CACNB4: variants seen among roughly 807,000 people sequenced by gnomAD.
The protein encoded by CACNB4 is voltage-dependent L-type calcium channel subunit beta-4.
CACNB4 carries 32 observed loss-of-function variants against 71.2 expected under a neutral mutation model. The ratio of observed to expected loss-of-function variants is 0.45; its 90% CI spans 0.34 to 0.60. CACNB4 has a LOEUF of 0.60. CACNB4 is among the 20% of genes least tolerant of loss of function. CACNB4 has a pLI of 0.01. For missense variants in CACNB4, 464 were observed against 647.9 expected (o/e 0.72, Z 3.08); for synonymous variants, 231 against 236.9 (o/e 0.97, Z 0.23).
intron 2 of CACNB4, among the ~76,000 whole-genome samples, chr2:151,897,940 G>A (rs1197678291): frequency 6.6e-6 from 1 of 152,158 alleles, no homozygotes; most frequent in Non-Finnish European, 1.5e-5. Context: ...TTTGGGTGAG[G>A]CCAATTTGCT....
At chr2:151,839,965 TAC>T (rs1185784644) in intron 13 of CACNB4, among the ~76,000 whole-genome samples, 1 of 152,248 alleles carries the variant, frequency 6.6e-6, no homozygotes, top group Non-Finnish European at 1.5e-5. Flanking sequence ...AGCTAATTGA[TAC>T]ATTTATAAAT....
At chr2:151,907,540 G>A (rs545693480) in intron 2 of CACNB4, among the ~76,000 whole-genome samples, 1 of 152,212 alleles carries the variant, frequency 6.6e-6, no homozygotes, top group South Asian at 2.1e-4. Flanking sequence ...ACACTGGCAC[G>A]TTATTATTAA....
At chr2:152,069,790 A>T (rs375072641) in intron 2 of CACNB4, among the ~76,000 whole-genome samples, 3 of 148,032 alleles carry the variant, frequency 2.0e-5, no homozygotes. Context: ...GACAGAAAAT[A>T]TTCTCCTTTA....
intron 2 of CACNB4, among the ~76,000 whole-genome samples, chr2:151,994,008 C>CA (rs201173472): frequency 6.6e-6 from 1 of 151,624 alleles, no homozygotes; most frequent in African/African-American, 2.4e-5. Flanking sequence ...CCTATCTCTA[C>CA]AAAAAATTTA....
chr2:151,988,165 AT>A (rs900706326), intron 2 of CACNB4, among the ~76,000 whole-genome samples: 21 of 151,590 alleles, frequency 1.4e-4, no homozygotes, highest in South Asian at 4.2e-4. Context: ...CTGCTACTGT[AT>A]TTTTTTTTCT....
chr2:152,066,254 T>C (rs982695008), intron 2 of CACNB4, among the ~76,000 whole-genome samples: 1 of 152,076 alleles, frequency 6.6e-6, no homozygotes, highest in Non-Finnish European at 1.5e-5. Flanking sequence ...AAATGCCAAC[T>C]AAGGCTTAGG....
chr2:151,977,858 G>C (rs2151745101), intron 2 of CACNB4, among the ~76,000 whole-genome samples: 1 of 152,364 alleles, frequency 6.6e-6, no homozygotes, highest in Middle Eastern at 3.4e-3. Flanking sequence ...CCACGGGCTA[G>C]AACACAAGCC....
intron 2 of CACNB4, among the ~76,000 whole-genome samples, chr2:152,023,310 C>A (rs960764438): frequency 6.6e-6 from 1 of 151,972 alleles, no homozygotes; most frequent in Admixed American, 6.6e-5. Flanking sequence ...GATTACAATT[C>A]GAGATGAGAT....
chr2:151,898,839 T>C (rs1171765703), intron 2 of CACNB4, among the ~76,000 whole-genome samples: 2 of 152,242 alleles, frequency 1.3e-5, no homozygotes, highest in Admixed American at 6.5e-5. Flanking sequence ...AGACCTATAC[T>C]GTCTATGGCT....
At chr2:151,841,157 C>T (rs920929543) in intron 13 of CACNB4, among the ~76,000 whole-genome samples, 5 of 152,164 alleles carry the variant, frequency 3.3e-5, no homozygotes, top group African/African-American at 1.2e-4. Flanking sequence ...TTGTCTTGTG[C>T]AAGGTAGAGA....
At chr2:152,034,441 A>G (rs1684451246) in intron 2 of CACNB4, among the ~76,000 whole-genome samples, 1 of 152,172 alleles carries the variant, frequency 6.6e-6, no homozygotes, top group Non-Finnish European at 1.5e-5. Context: ...CAGCAGGGGA[A>G]CTGAGAGCAA....
chr2:152,086,602 A>G (rs1687673338), intron 2 of CACNB4, among the ~76,000 whole-genome samples: 1 of 152,266 alleles, frequency 6.6e-6, no homozygotes, highest in Non-Finnish European at 1.5e-5. Flanking sequence ...ACCAAAGCAG[A>G]GTTACTATGA....
In CACNB4 at chr2:151,835,580, C is replaced by A. The variant is rs996106205; in HGVS notation, c.*3539G>T. 2 of 151,834 alleles carry A rather than the reference C, an allele frequency of 1.3e-5. No individual in the cohort carries two copies. The highest frequency in any genetic ancestry group is 3.0e-5 in the Non-Finnish European group (2 of 67,794). The allele number at this position is 151,834 out of a possible 1,614,324, so 9.4% of individuals were successfully genotyped here. A position where few individuals can be genotyped will look rare whatever the true frequency, so the allele number is the denominator to read the frequency against. On this transcript the variant is annotated 3_prime_UTR_variant, in exon 14 of 14. Transcript: ENST00000539935. ...AACTAAGAAAATATATACTAACATG[C>A]AAATTAAGGTTGCCAAGACACATTC...
At chr2:151,876,090 C>A (rs112432806) in intron 5 of CACNB4, among the ~76,000 whole-genome samples, 247 of 152,160 alleles carry the variant, frequency 1.6e-3, no homozygotes, top group African/African-American at 5.6e-3. Flanking sequence ...TCTCTGTAAG[C>A]GAACCAAGAG....
intron 2 of CACNB4, among the ~76,000 whole-genome samples, chr2:151,999,136 C>T (rs1682244971): frequency 6.6e-6 from 1 of 152,132 alleles, no homozygotes; most frequent in South Asian, 2.1e-4. Context: ...ATTATCCAGA[C>T]AATCAATCAC....
intron 5 of CACNB4, among the ~76,000 whole-genome samples, chr2:151,875,406 C>T (rs1289722078): frequency 1.3e-5 from 2 of 151,424 alleles, no homozygotes; most frequent in Non-Finnish European, 2.9e-5. Context: ...TCTACACAGA[C>T]ACAGCAACCA....
chr2:151,834,911 C>A lies in CACNB4; in HGVS notation c.*4208G>T, dbSNP rs2099834578. On this transcript the variant is annotated 3_prime_UTR_variant, in exon 14 of 14. Coordinates refer to ENST00000539935, the MANE Select transcript of CACNB4 (RefSeq NM_000726.5). Reference sequence around the variant, plus strand: ...GAGTTTTATATAATTTAAAAAAACACAACATGCAACATTGTCATAAAAGAC... The same window carrying A: ...GAGTTTTATATAATTTAAAAAAACAAAACATGCAACATTGTCATAAAAGAC... The A allele has an allele frequency of 6.6e-6, 1 of 151,724 alleles. No individual in the cohort carries two copies. The highest frequency in any genetic ancestry group is 1.5e-5 in the Non-Finnish European group (1 of 67,742). 9.4% of individuals were successfully genotyped at this position (151,724 alleles called of 1,614,324 possible). A position where few individuals can be genotyped will look rare whatever the true frequency, so the allele number is the denominator to read the frequency against.
chr2:151,880,453 C>T (rs955103365), intron 4 of CACNB4: 15 of 322,296 alleles, frequency 4.7e-5, no homozygotes, highest in Non-Finnish European at 7.5e-5. Context: ...TGGGTAGGTG[C>T]CATGACACCA....
chr2:152,088,122 A>G (rs1687759477), intron 2 of CACNB4, among the ~76,000 whole-genome samples: 2 of 146,288 alleles, frequency 1.4e-5, no homozygotes, highest in South Asian at 2.2e-4. Context: ...CCTGAAAAAA[A>G]GAATGCCTTC....
Sources: allele counts gnomAD v4.1 joint callset (sites outside exome capture counted in the v4.1 genomes callset), GRCh38; gene constraint gnomAD v4.1.1; transcripts MANE v1.5; gene names NCBI Gene and HGNC (gene_info 2026-07-23, HGNC 2026-07-21).